PCDHGA5: variants seen among roughly 807,000 people sequenced by gnomAD.
PCDHGA5 encodes protocadherin gamma-A5.
In PCDHGA5, 36 loss-of-function variants were observed where a neutral mutation model predicts 56.7. That is an observed-to-expected ratio of 0.64 (90% CI 0.49 to 0.84). The LOEUF is 0.84. Among genes scored for constraint, PCDHGA5 ranks in the 40% least tolerant of loss-of-function variants. The probability of loss-of-function intolerance (pLI) is 0.00; values close to 1 mark genes in which losing one functional copy is unlikely to be tolerated. For missense variants in PCDHGA5, 1,305 were observed against 1,201.5 expected (o/e 1.09, Z -1.27); for synonymous variants, 563 against 520.2 (o/e 1.08, Z -1.12).
At position 141,409,805 on chromosome 5, in the gene PCDHGA5, C is replaced by A. The variant is rs751397816; in HGVS notation, c.2421+43054C>A. On this transcript the variant is annotated intron_variant, in intron 1 of 3. Transcript: ENST00000518069. ...CGCCTTCGCGCTCACGCTGCAGGCC[C>A]GCGACCACGGCTCGCCCACGCTCAG... is the stretch of plus-strand genomic sequence containing the variant. 14 of 1,611,512 alleles carry A rather than the reference C, an allele frequency of 8.7e-6. No homozygotes were observed. Among genetic ancestry groups the A allele is most frequent in the Middle Eastern group, 1.6e-4 (1 of 6,072 alleles).
chr5:141,392,942 C>T, intron 1 of PCDHGA5: 2 of 1,613,954 alleles, frequency 1.2e-6, no homozygotes, highest in Non-Finnish European at 1.7e-6. Context: ...ACAAAGGCTC[C>T]TTCGTGGGTA....
At chr5:141,414,476 C>T (rs1242647918) in intron 1 of PCDHGA5, 1 of 1,613,802 alleles carries the variant, frequency 6.2e-7, no homozygotes, top group African/African-American at 1.3e-5. Flanking sequence ...GGGGGAAGTC[C>T]TCCTCTATCA....
intron 1 of PCDHGA5, among the ~76,000 whole-genome samples, chr5:141,454,032 C>T (rs2098780173): frequency 6.6e-6 from 1 of 152,126 alleles, no homozygotes; most frequent in Non-Finnish European, 1.5e-5. Flanking sequence ...AAGAATTGGC[C>T]AGCAAAGATA....
intron 1 of PCDHGA5, among the ~76,000 whole-genome samples, chr5:141,379,981 C>A (rs968805615): frequency 1.5e-5 from 2 of 135,234 alleles, no homozygotes; most frequent in East Asian, 5.0e-4. Flanking sequence ...CTCACTGCAA[C>A]TTCCTCCTCC....
chr5:141,408,379 G>T (rs2095093592), intron 1 of PCDHGA5: 13 of 1,613,914 alleles, frequency 8.1e-6, no homozygotes, highest in Non-Finnish European at 1.1e-5. Context: ...TCAGTGTCCT[G>T]GATGTGTCGG....
At chr5:141,465,032 A>C (rs2154568703) in intron 1 of PCDHGA5, among the ~76,000 whole-genome samples, 1 of 151,870 alleles carries the variant, frequency 6.6e-6, no homozygotes, top group Admixed American at 6.6e-5. Context: ...ATGAACCACC[A>C]CAAATGACCC....
In PCDHGA5 at chr5:141,485,068, T is replaced by C; in HGVS notation, c.2422-9739T>C. On this transcript the variant is annotated intron_variant, in intron 1 of 3. Transcript: ENST00000518069. The surrounding 1 kb of genome is among the most constrained non-coding windows in gnomAD (Gnocchi z 5.7). ...GGCGCCGGCCGAACCGCGCCAGAGCTGGCGCGGGGAAAGGGAGATAGGTGT... is the reference window on the plus strand; with the variant it reads ...GGCGCCGGCCGAACCGCGCCAGAGCCGGCGCGGGGAAAGGGAGATAGGTGT... 1 of 896,972 alleles carries C rather than the reference T, an allele frequency of 1.1e-6. No homozygotes were observed. The highest frequency in any genetic ancestry group is 1.6e-5 in the South Asian group (1 of 61,812). The allele number at this position is 896,972 out of a possible 1,614,324, so 55.6% of individuals were successfully genotyped here. A position where few individuals can be genotyped will look rare whatever the true frequency, so the allele number is the denominator to read the frequency against.
intron 1 of PCDHGA5, chr5:141,421,588 G>A: frequency 1.2e-6 from 2 of 1,613,910 alleles, no homozygotes; most frequent in Non-Finnish European, 8.5e-7. Context: ...TTACGGAGTG[G>A]AGGTGGAAAT....
At chr5:141,378,751 G>T (rs72790019) in intron 1 of PCDHGA5, 22 of 152,014 alleles carry the variant, frequency 1.4e-4, no homozygotes, top group Non-Finnish European at 5.9e-5. Flanking sequence ...AAGAAAAAAG[G>T]GATTATCATT....
intron 1 of PCDHGA5, chr5:141,421,230 G>T: frequency 6.3e-7 from 1 of 1,590,132 alleles, no homozygotes. Context: ...AGCCTGCCAT[G>T]GCGAATCGGC....
rs747585516 is a variant in PCDHGA5, at chr5:141,409,120, A to G, written c.2421+42369A>G. ...CAGGTATGATTAAGAATAACCAGTC[A>G]TTTGATTTTGAAGATGTAGAAAGGT... On this transcript the variant is annotated intron_variant, in intron 1 of 3. Transcript: ENST00000518069. 6 of 1,613,844 alleles carry G rather than the reference A, an allele frequency of 3.7e-6. No homozygotes were observed. The African/African-American group carries it at 8.0e-5, about 22-fold the overall frequency.
intron 1 of PCDHGA5, among the ~76,000 whole-genome samples, chr5:141,439,050 A>G (rs1353548752): frequency 1.3e-5 from 2 of 151,164 alleles, no homozygotes; most frequent in Non-Finnish European, 2.9e-5. Flanking sequence ...TAAGATTTCC[A>G]TATTGTGTGG....
Position 141,364,475 on chromosome 5 carries a change from GC to G in PCDHGA5, c.147del (p.Lys50ArgfsTer28). 1 of 1,614,016 alleles carries G rather than the reference GC, an allele frequency of 6.2e-7. No individual in the cohort carries two copies. Among genetic ancestry groups the G allele is most frequent in the Non-Finnish European group, 8.5e-7 (1 of 1,179,890 alleles). On this transcript the variant is annotated frameshift_variant, in exon 1 of 4. Coordinates refer to ENST00000518069, the MANE Select transcript of PCDHGA5 (RefSeq NM_018918.3). LOFTEE classifies it high-confidence loss of function. ...CAAAGGCTCCTTCGTCGGCAACATA[GC>G]CAAGGACCTTGGGCTGGAGCCCCAG... The part of the protein sequence containing the change: ...LDKGSFVGNI[A>X]KDLGLEPQEL...
intron 1 of PCDHGA5, chr5:141,389,107 T>C (rs1349471179): frequency 1.2e-6 from 2 of 1,613,940 alleles, no homozygotes; most frequent in Non-Finnish European, 8.5e-7. Context: ...GATGCTGTTC[T>C]AGACCGCGAG....
intron 1 of PCDHGA5, among the ~76,000 whole-genome samples, chr5:141,465,905 G>A (rs938438286): frequency 6.6e-6 from 1 of 151,958 alleles, no homozygotes; most frequent in Admixed American, 6.6e-5. Flanking sequence ...GGCAAATCAC[G>A]AGGTCAGGAT....
At chr5:141,367,902 T>C (rs1249968582) in intron 1 of PCDHGA5, 1 of 152,146 alleles carries the variant, frequency 6.6e-6, no homozygotes, top group Non-Finnish European at 1.5e-5. Context: ...TTTAAGGTTG[T>C]ATTTGAAAAA....
At position 141,447,890 on chromosome 5, in the gene PCDHGA5, A is replaced by AC. The variant is rs1252174829; in HGVS notation, c.2422-46917_2422-46916insC. On this transcript the variant is annotated intron_variant, in intron 1 of 3. Transcript: ENST00000518069. ...CATCTGAGGTCAGGAGTTCGAGACCAGCCTGGCCAACATGGTGAAACTCTG... is the reference window on the plus strand; with the variant it reads ...CATCTGAGGTCAGGAGTTCGAGACCACGCCTGGCCAACATGGTGAAACTCTG... 1.3e-5 allele frequency among the ~76,000 whole-genome samples: 2 copies of AC among 152,146 alleles called. 1 individual carries two copies. The highest frequency in any genetic ancestry group is 4.8e-5 in the African/African-American group (2 of 41,434).
chr5:141,450,491 G>C (rs1264524088), intron 1 of PCDHGA5, among the ~76,000 whole-genome samples: 1 of 151,896 alleles, frequency 6.6e-6, no homozygotes, highest in Non-Finnish European at 1.5e-5. Context: ...TTGTTTGTCT[G>C]TTTGTTTGTT....
intron 1 of PCDHGA5, chr5:141,376,371 C>T: frequency 1.2e-6 from 2 of 1,614,196 alleles, no homozygotes; most frequent in African/African-American, 1.3e-5. Flanking sequence ...ACTGCAGACT[C>T]GCGTAAGAGT....
Sources: gnomAD v4.1 joint callset for allele counts (sites outside exome capture counted in the v4.1 genomes callset) on GRCh38, gnomAD v4.1.1 for gene constraint, Gnocchi (gnomAD v3.1) non-coding constraint, MANE v1.5 for transcripts, NCBI Gene and HGNC (gene_info 2026-07-23, HGNC 2026-07-21) for gene names.